The following PCNX1 variants were observed in gnomAD, a reference collection of about 807,000 sequenced individuals.
PCNX1 encodes the protein pecanex 1.
In PCNX1, 78 loss-of-function variants were observed where a neutral mutation model predicts 242.2. The observed-to-expected ratio is 0.32, with a 90% confidence interval of 0.27 to 0.39. PCNX1 has a LOEUF of 0.39. PCNX1 is among the 10% of genes least tolerant of loss of function. PCNX1 has a pLI of 1.00. For synonymous variants in PCNX1, 1,024 were observed against 1,032.9 expected (o/e 0.99, Z 0.17); for missense variants, 2,581 against 2,856.5 (o/e 0.90, Z 2.20).
At chr14:70,951,643 A>G (rs1460074783) in intron 2 of PCNX1, among the ~76,000 whole-genome samples, 4 of 152,068 alleles carry the variant, frequency 2.6e-5, no homozygotes, top group Admixed American at 2.6e-4. Flanking sequence ...CTGAAGTGCT[A>G]GGATTACAGG....
chr14:70,957,674 G>A (rs2058045020), intron 2 of PCNX1, among the ~76,000 whole-genome samples: 1 of 152,140 alleles, frequency 6.6e-6, no homozygotes, highest in Non-Finnish European at 1.5e-5. Context: ...GGTGATAAAA[G>A]TGGTCTAAAA....
chr14:70,946,813 C>A, intron 1 of PCNX1, 102 bp from the exon 2 acceptor site: 1 of 860,868 alleles, frequency 1.2e-6, no homozygotes, highest in Non-Finnish European at 1.8e-6. Context: ...ATAGTTGTTG[C>A]TTTGTGTGTA....
At chr14:71,108,341 A>G (rs941529688) in intron 33 of PCNX1, among the ~76,000 whole-genome samples, 7 of 152,372 alleles carry the variant, frequency 4.6e-5, no homozygotes, top group Admixed American at 4.6e-4. Flanking sequence ...AAAATATTTA[A>G]TTATTAATTG....
rs1215216802 is a variant in PCNX1 at position 70,977,512 on chromosome 14, A to T, written c.1175A>T (p.Asp392Val). 1 of 1,614,060 alleles carries T rather than the reference A, an allele frequency of 6.2e-7. No individual in the cohort carries two copies. The change falls in exon 6 of 36, where the codon GAC (aspartate) becomes GTC (valine). Residue 392 changes from aspartate to valine, a missense_variant. Coordinates refer to ENST00000304743, the MANE Select transcript of PCNX1 (RefSeq NM_014982.3). ...TESYCSGTDRDTNSTVSSYKS... is the reference protein window; with the variant it reads ...TESYCSGTDRVTNSTVSSYKS... ...AGCTACTGCAGTGGAACGGACCGGG[A>T]CACTAACAGTACTGTCAGCAGCTAT...
Position 70,969,615 on chromosome 14 carries a change from A to T in PCNX1, c.604+505A>T, listed in dbSNP as rs2058480622. On this transcript the variant is annotated intron_variant, in intron 5 of 35. Transcript: ENST00000304743. ...TTGGGTGCTTTTTTGGAATTACAGT[A>T]CCCTATCATTGTTTCTTTGCTTCTG... Among the ~76,000 whole-genome samples, 4 of 152,150 alleles carry T rather than the reference A, an allele frequency of 2.6e-5. 1 individual carries two copies. The South Asian group carries it at 8.3e-4, about 32-fold the overall frequency.
intron 7 of PCNX1, 22 bp downstream of exon 7, chr14:70,988,721 C>T: frequency 1.2e-6 from 2 of 1,605,012 alleles, no homozygotes; most frequent in South Asian, 1.1e-5. Flanking sequence ...TCAATTCCAC[C>T]AAGTTTAGCA....
intron 1 of PCNX1, among the ~76,000 whole-genome samples, chr14:70,920,431 A>T (rs1161422016): frequency 6.6e-6 from 1 of 152,182 alleles, no homozygotes; most frequent in African/African-American, 2.4e-5. Context: ...GATGTATACA[A>T]TTTGTCAAAT....
At chr14:70,949,290 C>T (rs544327145) in intron 2 of PCNX1, among the ~76,000 whole-genome samples, 31 of 144,390 alleles carry the variant, frequency 2.1e-4, no homozygotes, top group Admixed American at 1.4e-3. Flanking sequence ...TATACACACA[C>T]GTGTGTACAC....
chr14:70,976,212 C>G (rs1016866728), intron 5 of PCNX1, among the ~76,000 whole-genome samples: 3 of 152,100 alleles, frequency 2.0e-5, no homozygotes, highest in Non-Finnish European at 2.9e-5. Context: ...TATTCCTTGC[C>G]TGTGACTCAG....
intron 8 of PCNX1, among the ~76,000 whole-genome samples, chr14:71,005,674 A>G (rs758852778): frequency 1.1e-4 from 17 of 152,262 alleles, no homozygotes; most frequent in Middle Eastern, 3.4e-3. Context: ...TGTCTTGTGA[A>G]TGTTTATCAG....
chr14:71,045,106 T>G, intron 19 of PCNX1, 27 bp from the exon 20 acceptor site: 1 of 1,518,390 alleles, frequency 6.6e-7, no homozygotes, highest in Non-Finnish European at 8.9e-7. Flanking sequence ...TCACTCCTAA[T>G]TTTATCACTT....
chr14:70,935,616 C>T (rs574143322), intron 1 of PCNX1, among the ~76,000 whole-genome samples: 8 of 152,140 alleles, frequency 5.3e-5, no homozygotes, highest in South Asian at 4.1e-4. Flanking sequence ...TTAATATTTT[C>T]GATGAATTTG....
intron 1 of PCNX1, among the ~76,000 whole-genome samples, chr14:70,908,286 T>C (rs1474371579): frequency 6.6e-6 from 1 of 151,968 alleles, no homozygotes; most frequent in Non-Finnish European, 1.5e-5. Flanking sequence ...GGTTCCCTCC[T>C]GCGGCCACTC....
chr14:71,071,326 C>T (rs2061581364), intron 26 of PCNX1, among the ~76,000 whole-genome samples: 1 of 152,214 alleles, frequency 6.6e-6, no homozygotes, highest in Admixed American at 6.5e-5. Context: ...GTTTCCTTTG[C>T]ATTCACAACT....
chr14:71,030,798 G>A (rs757169656), intron 16 of PCNX1, among the ~76,000 whole-genome samples: 7 of 152,030 alleles, frequency 4.6e-5, no homozygotes, highest in African/African-American at 1.4e-4. Flanking sequence ...CCCTGCTTAC[G>A]TCCAGGAATT....
chr14:71,065,561 C>T (rs929759844), intron 26 of PCNX1, among the ~76,000 whole-genome samples: 2 of 152,050 alleles, frequency 1.3e-5, no homozygotes, highest in African/African-American at 4.8e-5. Context: ...TTGTCTCATT[C>T]TGTAGGTTGC....
chr14:71,109,436 T>C lies in PCNX1; in HGVS notation c.6745-16T>C, dbSNP rs1025085320. 4 of 1,586,728 alleles carry C rather than the reference T, an allele frequency of 2.5e-6. No individual in the cohort carries two copies. The African/African-American group carries it at 4.1e-5, about 16-fold the overall frequency. Reference sequence around the variant, plus strand: ...AAGAAAAAAATGAATTGGAAATGTTTTTATTTACCATGTAGATTGTGGATC... The same window carrying C: ...AAGAAAAAAATGAATTGGAAATGTTCTTATTTACCATGTAGATTGTGGATC... On this transcript the variant is annotated splice_polypyrimidine_tract_variant and intron_variant, in intron 34 of 35. Transcript: ENST00000304743.
At chr14:70,981,738 A>G (rs2058845504) in intron 6 of PCNX1, among the ~76,000 whole-genome samples, 1 of 152,226 alleles carries the variant, frequency 6.6e-6, no homozygotes, top group Non-Finnish European at 1.5e-5. Context: ...GCTATATGGT[A>G]GAAAAATGTC....
rs771141075 is a variant in PCNX1 at position 70,978,151 on chromosome 14, A to T, written c.1814A>T (p.Gln605Leu). 4.3e-6 allele frequency: 7 copies of T among 1,614,230 alleles called. No individual in the cohort carries two copies. The highest frequency in any genetic ancestry group is 5.9e-6 in the Non-Finnish European group (7 of 1,180,040). Residue 605 changes from glutamine to leucine, a missense_variant, in exon 6 of 36, where the codon CAG (glutamine) becomes CTG (leucine). Physicochemically the swap from Gln to Leu is moderately radical, Grantham distance 113. Coordinates refer to ENST00000304743, the MANE Select transcript of PCNX1 (RefSeq NM_014982.3). ...TGTCATGACGAAGACTCTAGTGATC[A>T]GAGTGACTTGAGTAGAGCATCAAGT... Reference protein sequence around the residue: ...IFCHDEDSSDQSDLSRASSVQ... With the variant: ...IFCHDEDSSDLSDLSRASSVQ...
Sources: allele counts gnomAD v4.1 joint callset (sites outside exome capture counted in the v4.1 genomes callset), GRCh38; gene constraint gnomAD v4.1.1; transcripts MANE v1.5; gene names NCBI Gene and HGNC (gene_info 2026-07-23, HGNC 2026-07-21).